Variants in MOGAT1 observed in about 807,000 individuals in gnomAD.
MOGAT1 encodes 2-acylglycerol O-acyltransferase 1.
Under a neutral mutation model 31.4 loss-of-function variants are expected in MOGAT1, and 32 were observed. The ratio of observed to expected loss-of-function variants is 1.02; its 90% CI spans 0.77 to 1.37. MOGAT1 has a LOEUF of 1.37. Ranked by LOEUF, MOGAT1 falls within the 40% of genes most tolerant of loss-of-function variation. MOGAT1 has a pLI of 0.00. For synonymous variants in MOGAT1, 145 were observed against 144.5 expected, an observed-to-expected ratio of 1.00 and a Z score of -0.03; for missense variants, 426 against 402.0, an observed-to-expected ratio of 1.06 and a Z score of -0.51.
At position 222,687,923 on chromosome 2, in the gene MOGAT1, G is replaced by A. The variant is rs567582608; in HGVS notation, c.95-421G>A. Among the ~76,000 whole-genome samples the A allele has an allele frequency of 4.6e-5, 7 of 152,270 alleles. No homozygotes were observed. The East Asian group carries it at 1.4e-3, about 29-fold the overall frequency. ...ATGTAAAGCTATGACTAAGTAGTTA[G>A]ACCTTAACATCAGACAGATCAACCA... On this transcript the variant is annotated intron_variant, in intron 1 of 5. Transcript: ENST00000446656.
intron 1 of MOGAT1, among the ~76,000 whole-genome samples, chr2:222,686,775 G>A (rs1433119317): frequency 1.3e-5 from 2 of 152,132 alleles, no homozygotes; most frequent in Non-Finnish European, 2.9e-5. Context: ...TCCTGACTGG[G>A]TTCAATGATA....
At chr2:222,684,926 T>G (rs1343951208) in intron 1 of MOGAT1, among the ~76,000 whole-genome samples, 4 of 152,156 alleles carry the variant, frequency 2.6e-5, no homozygotes, top group Non-Finnish European at 5.9e-5. Flanking sequence ...TGGGCAAACT[T>G]TATGCAAGAT....
intron 5 of MOGAT1, among the ~76,000 whole-genome samples, chr2:222,696,943 G>C (rs1413950530): frequency 6.6e-6 from 1 of 152,144 alleles, no homozygotes; most frequent in African/African-American, 2.4e-5. Flanking sequence ...GGGAGGCTGT[G>C]GAAGAAGGAG....
At chr2:222,678,623 G>T (rs750522952) in intron 1 of MOGAT1, among the ~76,000 whole-genome samples, 4 of 152,130 alleles carry the variant, frequency 2.6e-5, no homozygotes, top group Non-Finnish European at 5.9e-5. Context: ...AATAGATTGT[G>T]TTGGGTGTCG....
intron 3 of MOGAT1, among the ~76,000 whole-genome samples, chr2:222,692,274 T>A (rs1692774446): frequency 6.6e-6 from 1 of 152,196 alleles, no homozygotes; most frequent in Non-Finnish European, 1.5e-5. Flanking sequence ...ATATCAAAAA[T>A]ATTTGATACA....
At chr2:222,705,202 C>G (rs185601016) in intron 5 of MOGAT1, among the ~76,000 whole-genome samples, 128 of 152,268 alleles carry the variant, frequency 8.4e-4, no homozygotes, top group African/African-American at 2.7e-3. Context: ...AGAGGTCATA[C>G]GTTGCCATCT....
At chr2:222,690,657 G>T (rs1692746008) in intron 3 of MOGAT1, among the ~76,000 whole-genome samples, 1 of 152,156 alleles carries the variant, frequency 6.6e-6, no homozygotes, top group African/African-American at 2.4e-5. Flanking sequence ...ATACCTGGTA[G>T]CATATCACTA....
At chr2:222,706,604 A>T (rs192092684) in intron 5 of MOGAT1, among the ~76,000 whole-genome samples, 1 of 152,228 alleles carries the variant, frequency 6.6e-6, no homozygotes, top group East Asian at 1.9e-4. Context: ...CAGAGGAAAG[A>T]AGACTCACTA....
chr2:222,691,708 G>A (rs997139976), intron 3 of MOGAT1, among the ~76,000 whole-genome samples: 2 of 152,212 alleles, frequency 1.3e-5, no homozygotes, highest in African/African-American at 4.8e-5. Context: ...CACTGTGCCT[G>A]CCCAAGCGGC....
At chr2:222,709,606 A>C (rs745560669) in intron 5 of MOGAT1, 130 bp from the exon 6 acceptor site, 53 of 755,976 alleles carry the variant, frequency 7.0e-5, no homozygotes, top group Non-Finnish European at 1.1e-4. Flanking sequence ...AGTGAAAGGA[A>C]ACAAGGATTG....
chr2:222,673,695 G>A (rs1430481646), intron 1 of MOGAT1, among the ~76,000 whole-genome samples: 1 of 152,192 alleles, frequency 6.6e-6, no homozygotes, highest in Non-Finnish European at 1.5e-5. Flanking sequence ...GCCTGAACTT[G>A]GAGTCCGACT....
At chr2:222,702,646 G>T (rs556693992) in intron 5 of MOGAT1, among the ~76,000 whole-genome samples, 1 of 151,794 alleles carries the variant, frequency 6.6e-6, no homozygotes, top group African/African-American at 2.4e-5. Flanking sequence ...ATAGGTAAGG[G>T]AATGCATTTT....
intron 5 of MOGAT1, among the ~76,000 whole-genome samples, chr2:222,706,679 C>A (rs1193319240): frequency 1.3e-5 from 2 of 152,198 alleles, no homozygotes; most frequent in East Asian, 3.8e-4. Flanking sequence ...TCTTAGACCA[C>A]TGAGTCTTTT....
chr2:222,671,910 T>C (rs1050297529), intron 1 of MOGAT1, 31 bp downstream of exon 1: 26 of 1,497,614 alleles, frequency 1.7e-5, no homozygotes, highest in African/African-American at 4.2e-5. Context: ...GCCGCGGGGC[T>C]TGGGCTCCAT....
At chr2:222,679,738 A>G (rs1692550914) in intron 1 of MOGAT1, among the ~76,000 whole-genome samples, 1 of 152,262 alleles carries the variant, frequency 6.6e-6, no homozygotes, top group Non-Finnish European at 1.5e-5. Context: ...GAGCTCCTGC[A>G]CTAGGCTCCA....
At chr2:222,683,598 C>T (rs772587412) in intron 1 of MOGAT1, among the ~76,000 whole-genome samples, 6 of 151,868 alleles carry the variant, frequency 4.0e-5, no homozygotes, top group Non-Finnish European at 8.8e-5. Flanking sequence ...CATAGTGGCA[C>T]GTGCCTGTAA....
chr2:222,672,889 T>TTTTTTATTATTATTATTA (rs139797469), intron 1 of MOGAT1, among the ~76,000 whole-genome samples: 59 of 139,218 alleles, frequency 4.2e-4, no homozygotes, highest in African/African-American at 1.6e-3. Flanking sequence ...CTGGAATTTG[T>TTTTTTATTATTATTATTA]TTATTATTAT....
chr2:222,701,732 C>G (rs185829349), intron 5 of MOGAT1, among the ~76,000 whole-genome samples: 2 of 152,188 alleles, frequency 1.3e-5, no homozygotes, highest in East Asian at 3.9e-4. Context: ...CATCCATAGG[C>G]GTGCCCTGAT....
intron 5 of MOGAT1, among the ~76,000 whole-genome samples, chr2:222,703,186 G>T (rs1299567463): frequency 6.6e-6 from 1 of 152,326 alleles, no homozygotes; most frequent in Non-Finnish European, 1.5e-5. Context: ...TGGAAAAATA[G>T]CTGAAGTAAA....
Sources: allele counts gnomAD v4.1 joint callset (sites outside exome capture counted in the v4.1 genomes callset), GRCh38; gene constraint gnomAD v4.1.1; transcripts MANE v1.5; gene names NCBI Gene and HGNC (gene_info 2026-07-23, HGNC 2026-07-21).